The following LRRC4C variants were observed in gnomAD, a reference collection of about 807,000 sequenced individuals.
LRRC4C encodes the protein leucine rich repeat containing 4C.
A neutral mutation model predicts 33.6 loss-of-function variants in LRRC4C; 5 were observed. The observed-to-expected ratio is 0.15, with a 90% confidence interval of 0.08 to 0.31. The LOEUF is 0.31. LRRC4C is among the 10% of genes least tolerant of loss of function. The pLI, the probability that LRRC4C is intolerant of heterozygous loss-of-function variation, is 1.00. For synonymous variants in LRRC4C, 329 were observed against 302.0 expected (o/e 1.09, Z -0.93); for missense variants, 560 against 796.7 (o/e 0.70, Z 3.58).
chr11:40,750,857 T>C (rs989710791), intron 2 of LRRC4C, among the ~76,000 whole-genome samples: 3 of 148,662 alleles, frequency 2.0e-5, no homozygotes, highest in Admixed American at 1.3e-4. Flanking sequence ...TGAACAAAGA[T>C]ATAAAAATTG....
At chr11:40,944,107 G>A (rs1207212073) in intron 1 of LRRC4C, among the ~76,000 whole-genome samples, 2 of 152,042 alleles carry the variant, frequency 1.3e-5, no homozygotes, top group African/African-American at 4.8e-5. Context: ...TGGATGGATA[G>A]CAGAAAATGA....
At chr11:41,173,282 A>C (rs1945056025) in intron 1 of LRRC4C, among the ~76,000 whole-genome samples, 1 of 152,142 alleles carries the variant, frequency 6.6e-6, no homozygotes. Flanking sequence ...AGCTAACATG[A>C]ATAATTGAAA....
At chr11:40,262,595 A>G (rs1031631640) in intron 4 of LRRC4C, among the ~76,000 whole-genome samples, 1 of 152,206 alleles carries the variant, frequency 6.6e-6, no homozygotes, top group Non-Finnish European at 1.5e-5. Flanking sequence ...ATGCCCATCA[A>G]TGATAGACTG....
intron 1 of LRRC4C, among the ~76,000 whole-genome samples, chr11:41,097,630 C>T (rs1437099640): frequency 6.6e-6 from 1 of 152,050 alleles, no homozygotes; most frequent in Admixed American, 6.6e-5. Flanking sequence ...TATTCATCTA[C>T]CCTATTGTAA....
chr11:41,275,548 G>T (rs960745034), intron 1 of LRRC4C, among the ~76,000 whole-genome samples: 3 of 152,176 alleles, frequency 2.0e-5, no homozygotes, highest in African/African-American at 7.2e-5. Context: ...TTGTTTTAAG[G>T]CAGCTCACTG....
At chr11:40,857,460 G>C (rs988765323) in intron 2 of LRRC4C, among the ~76,000 whole-genome samples, 2 of 152,042 alleles carry the variant, frequency 1.3e-5, no homozygotes, top group Admixed American at 6.6e-5. Context: ...TTGGTTTTCT[G>C]TTCCTGGAAC....
chr11:41,059,994 C>T (rs1281042223), intron 1 of LRRC4C, among the ~76,000 whole-genome samples: 1 of 152,158 alleles, frequency 6.6e-6, no homozygotes, highest in Non-Finnish European at 1.5e-5. Context: ...CATTGCACTC[C>T]AGCCTGGGTG....
intron 1 of LRRC4C, among the ~76,000 whole-genome samples, chr11:41,009,766 C>T (rs1010484990): frequency 6.6e-6 from 1 of 152,100 alleles, no homozygotes; most frequent in African/African-American, 2.4e-5. Context: ...TTTGGAGAGG[C>T]TACACATTTT....
chr11:40,797,098 T>C (rs1031453070), intron 2 of LRRC4C, among the ~76,000 whole-genome samples: 9 of 152,048 alleles, frequency 5.9e-5, no homozygotes, highest in Admixed American at 4.6e-4. Flanking sequence ...ATTTAAACAA[T>C]AGTAACAACC....
chr11:40,884,554 G>T (rs989695420), intron 2 of LRRC4C, among the ~76,000 whole-genome samples: 2 of 151,968 alleles, frequency 1.3e-5, no homozygotes, highest in African/African-American at 2.4e-5. Context: ...TTGATGCAGA[G>T]AAATAAGCTG....
Position 40,197,749 on chromosome 11 carries a change from G to A in LRRC4C, c.-96+43770C>T, listed in dbSNP as rs573975147. Reference sequence around the variant, plus strand: ...TAATCTATTGCATTAGACTATGCTAGGAGAGTATGTTTTATCTCAACAACA... The same window carrying A: ...TAATCTATTGCATTAGACTATGCTAAGAGAGTATGTTTTATCTCAACAACA... On this transcript the variant is annotated intron_variant, in intron 5 of 6. Coordinates refer to ENST00000528697, the MANE Select transcript of LRRC4C (RefSeq NM_001258419.2). Among the ~76,000 whole-genome samples the A allele has an allele frequency of 7.2e-5, 11 of 152,246 alleles. No individual in the cohort carries two copies. In the South Asian group the frequency reaches 1.9e-3, roughly 26 times the overall value.
At chr11:40,979,432 T>C (rs1852341880) in intron 1 of LRRC4C, among the ~76,000 whole-genome samples, 1 of 152,184 alleles carries the variant, frequency 6.6e-6, no homozygotes, top group South Asian at 2.1e-4. Context: ...AAAATTTTGG[T>C]AAACTTGATC....
At chr11:41,326,998 C>T (rs1951141624) in intron 1 of LRRC4C, among the ~76,000 whole-genome samples, 14 of 152,084 alleles carry the variant, frequency 9.2e-5, no homozygotes, top group Admixed American at 9.2e-4. Flanking sequence ...AAACCTATTC[C>T]TTACAGTGGC....
intron 1 of LRRC4C, among the ~76,000 whole-genome samples, chr11:41,333,295 C>T (rs914713919): frequency 1.1e-4 from 16 of 152,120 alleles, no homozygotes; most frequent in Non-Finnish European, 5.9e-5. Flanking sequence ...TGATCTTTTT[C>T]TCCCTTAATC....
At chr11:40,963,315 AAGTTCCAGACTG>A (rs1475412395) in intron 1 of LRRC4C, among the ~76,000 whole-genome samples, 1 of 151,806 alleles carries the variant, frequency 6.6e-6, no homozygotes, top group Non-Finnish European at 1.5e-5. Flanking sequence ...AAGTGCTGTG[AAGTTCCAGACTG>A]AGTATGTACT....
intron 2 of LRRC4C, among the ~76,000 whole-genome samples, chr11:40,783,291 TTTTATTTTA>T (rs1036448764): frequency 1.3e-5 from 2 of 151,660 alleles, no homozygotes; most frequent in African/African-American, 4.8e-5. Context: ...TTTTATTTTA[TTTTATTTTA>T]TTTTTTATTT....
At position 40,294,580 on chromosome 11, in the gene LRRC4C, G is replaced by T. The variant is rs149185912; in HGVS notation, c.-176+25048C>A. ...GCGGTGTCTCACGCCTGTAATCCCA[G>T]CCCTTTGGGAGGCCAAGGTGGGCGG... On this transcript the variant is annotated intron_variant, in intron 4 of 6. Transcript: ENST00000528697. 3.1e-3 allele frequency among the ~76,000 whole-genome samples: 473 copies of T among 152,214 alleles called. 4 individuals carry two copies. The highest frequency in any genetic ancestry group is 0.011 in the African/African-American group (449 of 41,540).
intron 3 of LRRC4C, among the ~76,000 whole-genome samples, chr11:40,531,369 G>A (rs887485041): frequency 2.0e-5 from 3 of 152,108 alleles, no homozygotes; most frequent in Non-Finnish European, 2.9e-5. Context: ...AAATTGTGAC[G>A]TCAAGAGAGT....
intron 2 of LRRC4C, among the ~76,000 whole-genome samples, chr11:40,695,281 G>A (rs1945437445): frequency 6.6e-6 from 1 of 152,074 alleles, no homozygotes; most frequent in African/African-American, 2.4e-5. Context: ...GGACTAGTTT[G>A]ATCACTTACT....
Sources: allele counts gnomAD v4.1 joint callset (sites outside exome capture counted in the v4.1 genomes callset), GRCh38; gene constraint gnomAD v4.1.1; transcripts MANE v1.5; gene names NCBI Gene and HGNC (gene_info 2026-07-23, HGNC 2026-07-21).